Variants in PLCE1 observed in about 807,000 individuals in gnomAD.
PLCE1 encodes the protein 1-phosphatidylinositol 4,5-bisphosphate phosphodiesterase epsilon-1.
In PLCE1, 119 loss-of-function variants were observed where a neutral mutation model predicts 242.8. The ratio of observed to expected loss-of-function variants is 0.49; its 90% CI spans 0.42 to 0.57. PLCE1 has a LOEUF of 0.57. Ranked by LOEUF, PLCE1 falls within the 20% of genes least tolerant of loss-of-function variation. PLCE1 has a pLI of 0.00. For synonymous variants in PLCE1, 945 were observed against 1,017.4 expected, an observed-to-expected ratio of 0.93 and a Z score of 1.35; for missense variants, 2,441 against 2,788.8, an observed-to-expected ratio of 0.88 and a Z score of 2.81.
chr10:94,054,009 A>T (rs910712350), intron 2 of PLCE1, among the ~76,000 whole-genome samples: 3 of 152,162 alleles, frequency 2.0e-5, no homozygotes, highest in African/African-American at 7.2e-5. Context: ...GTCAGTAGAA[A>T]TTATCCAATC....
chr10:94,222,426 G>A lies in PLCE1; in HGVS notation c.1810-4880G>A, dbSNP rs537195600. Reference sequence around the variant, plus strand: ...CGAGGGCAGATCCTGACAGGTCACCGACACTGCTGCTTACCCGTGAGCATA... The same window carrying A: ...CGAGGGCAGATCCTGACAGGTCACCAACACTGCTGCTTACCCGTGAGCATA... On this transcript the variant is annotated intron_variant, in intron 4 of 32. Transcript: ENST00000371380. Among the ~76,000 whole-genome samples the A allele has an allele frequency of 5.9e-5, 9 of 152,254 alleles. No homozygotes were observed. In the South Asian group the frequency reaches 6.2e-4, roughly 11 times the overall value.
At chr10:94,269,686 G>A (rs2051654438) in intron 17 of PLCE1, among the ~76,000 whole-genome samples, 1 of 152,154 alleles carries the variant, frequency 6.6e-6, no homozygotes, top group African/African-American at 2.4e-5. Flanking sequence ...GGAATTAATG[G>A]TCATTTGTCC....
At chr10:94,152,647 G>T (rs1198228346) in intron 3 of PLCE1, among the ~76,000 whole-genome samples, 2 of 152,200 alleles carry the variant, frequency 1.3e-5, no homozygotes, top group Admixed American at 6.5e-5. Context: ...AATGCTAATT[G>T]TACGTCAGCC....
In PLCE1 at chr10:94,002,840, G is replaced by A. The variant is rs1243694751; in HGVS notation, c.-365+8582G>A. On this transcript the variant is annotated intron_variant, in intron 1 of 32. Coordinates refer to ENST00000371380, the MANE Select transcript of PLCE1 (RefSeq NM_016341.4). ...GGATCACATGATAAATACATCATACGCAATTTTGGATCCTAGATTCCTTGC... is the reference window on the plus strand; with the variant it reads ...GGATCACATGATAAATACATCATACACAATTTTGGATCCTAGATTCCTTGC... Among the ~76,000 whole-genome samples the A allele has an allele frequency of 5.3e-5, 8 of 152,130 alleles. No homozygotes were observed. In the South Asian group the frequency reaches 6.2e-4, roughly 12 times the overall value.
Position 94,308,688 on chromosome 10 carries a change from T to C in PLCE1, c.5992T>C (p.Ser1998Pro). The change falls in exon 27 of 33, where the codon TCA becomes CCA. Residue 1998 changes from serine to proline, a missense_variant. Physicochemically the swap from Ser to Pro is moderately conservative, Grantham distance 74. Coordinates refer to ENST00000371380, the MANE Select transcript of PLCE1 (RefSeq NM_016341.4). ...AGAAAATTCCTCTGGCAATACCATG[T>C]CAGCCTCTTCGGTAATGAAGTTCTG... is the stretch of plus-strand genomic sequence containing the variant. ...MEENSSGNTM[S>P]ASSMFNTEER... The C allele has an allele frequency of 6.3e-7, 1 of 1,585,386 alleles. No homozygotes were observed. Among genetic ancestry groups the C allele is most frequent in the Non-Finnish European group, 8.7e-7 (1 of 1,153,834 alleles).
At chr10:94,310,176 G>A (rs946404642) in intron 27 of PLCE1, among the ~76,000 whole-genome samples, 1 of 152,166 alleles carries the variant, frequency 6.6e-6, no homozygotes, top group Admixed American at 6.5e-5. Context: ...CAGACTCAAC[G>A]TAGTCCTAAC....
rs562283652 is a variant in PLCE1, at chr10:94,270,615, C to G, written c.4506+13C>G. 1.6e-4 allele frequency: 237 copies of G among 1,455,646 alleles called. 3 individuals carry two copies. Among genetic ancestry groups the G allele is most frequent in the South Asian group, 1.4e-3 (124 of 87,764 alleles). 90.2% of individuals were successfully genotyped at this position (1,455,646 alleles called of 1,614,324 possible). A position where few individuals can be genotyped will look rare whatever the true frequency, so the allele number is the denominator to read the frequency against. ...AGAAATTTTCAAGGTGAGCTCTCAA[C>G]AAAAAGGCAGGATGGTATGTTGGCC... On this transcript the variant is annotated intron_variant, in intron 18 of 32. Coordinates refer to ENST00000371380, the MANE Select transcript of PLCE1 (RefSeq NM_016341.4).
intron 5 of PLCE1, 96 bp from the exon 6 acceptor site, chr10:94,233,958 A>C: frequency 8.5e-7 from 1 of 1,172,946 alleles, no homozygotes; most frequent in South Asian, 1.4e-5. Flanking sequence ...AAAAAAAAAA[A>C]TGGTAAAAAG....
chr10:94,204,730 A>G (rs2049092892), intron 4 of PLCE1, among the ~76,000 whole-genome samples: 1 of 147,252 alleles, frequency 6.8e-6, no homozygotes, highest in African/African-American at 2.5e-5. Context: ...GAAGGAAGGA[A>G]GGAAAGAAGA....
At chr10:94,022,084 C>G (rs2134383479) in intron 1 of PLCE1, among the ~76,000 whole-genome samples, 1 of 151,858 alleles carries the variant, frequency 6.6e-6, no homozygotes, top group East Asian at 1.9e-4. Context: ...AAAGATTTAC[C>G]TTTGGAAAGA....
At chr10:94,253,597 C>T (rs930827114) in intron 9 of PLCE1, among the ~76,000 whole-genome samples, 5 of 152,108 alleles carry the variant, frequency 3.3e-5, no homozygotes, top group African/African-American at 1.2e-4. Context: ...TTAAGTAATC[C>T]TATTGTCTCA....
chr10:94,097,905 G>C (rs2045375009), intron 2 of PLCE1, among the ~76,000 whole-genome samples: 1 of 152,172 alleles, frequency 6.6e-6, no homozygotes, highest in Non-Finnish European at 1.5e-5. Context: ...TTGAAGGAGA[G>C]GAAAGAGACA....
chr10:94,095,979 G>A (rs949446680), intron 2 of PLCE1, among the ~76,000 whole-genome samples: 6 of 152,170 alleles, frequency 3.9e-5, no homozygotes, highest in Non-Finnish European at 7.3e-5. Context: ...CTGGAGTTGA[G>A]GGAGGCTGTC....
Position 94,211,540 on chromosome 10 carries a change from G to A in PLCE1, c.1810-15766G>A, listed in dbSNP as rs571377155. ...CATTCTACAGTCCATTGATTTATTCGTTGTTACATTATGTAGTAGAACCGC... is the reference window on the plus strand; with the variant it reads ...CATTCTACAGTCCATTGATTTATTCATTGTTACATTATGTAGTAGAACCGC... On this transcript the variant is annotated intron_variant, in intron 4 of 32. Coordinates refer to ENST00000371380, the MANE Select transcript of PLCE1 (RefSeq NM_016341.4). Among the ~76,000 whole-genome samples, 63 of 152,264 alleles carry A rather than the reference G, an allele frequency of 4.1e-4. 1 individual carries two copies. The highest frequency in any genetic ancestry group is 1.4e-3 in the Admixed American group (22 of 15,304).
intron 2 of PLCE1, among the ~76,000 whole-genome samples, chr10:94,116,880 T>G (rs2046148979): frequency 6.6e-6 from 1 of 152,148 alleles, no homozygotes; most frequent in African/African-American, 2.4e-5. Flanking sequence ...AAGGAGCAAT[T>G]TGGAGAGAGT....
intron 22 of PLCE1, among the ~76,000 whole-genome samples, chr10:94,285,742 T>A (rs551570770): frequency 1.3e-5 from 2 of 152,158 alleles, no homozygotes; most frequent in Non-Finnish European, 2.9e-5. Context: ...CTGGATCCCA[T>A]GTCACATTCT....
Position 94,306,610 on chromosome 10 carries a change from C to A in PLCE1, c.5806C>A (p.Leu1936Ile). The A allele has an allele frequency of 6.2e-7, 1 of 1,614,128 alleles. No homozygotes were observed. The change falls in exon 26 of 33, where the codon CTT becomes ATT. Residue 1936 changes from leucine (L) to isoleucine (I), a missense_variant. Physicochemically the swap from Leu to Ile is conservative, Grantham distance 5 (BLOSUM62 2). Around this residue, in one of 5 missense-constraint regions of PLCE1, gnomAD observed 1,004 missense variants for 1,322.7 expected, o/e 0.76. Transcript: ENST00000371380. The surrounding 1 kb of genome is among the most constrained non-coding windows in gnomAD (Gnocchi z 5.7). ...FHVHFEDLVF[L>I]RFAVVENNSS... ...CGTTCACTTCGAAGATCTTGTATTT[C>A]TTCGTTTTGCAGTTGTGGAAAACAA...
intron 2 of PLCE1, among the ~76,000 whole-genome samples, chr10:94,038,350 T>G (rs1429189332): frequency 6.6e-6 from 1 of 152,136 alleles, no homozygotes; most frequent in Non-Finnish European, 1.5e-5. Context: ...GTGCTGGGCT[T>G]ATTTTCTGGC....
intron 14 of PLCE1, among the ~76,000 whole-genome samples, chr10:94,263,694 AAAAAAACAAAC>A (rs2051399075): frequency 6.6e-6 from 1 of 151,958 alleles, no homozygotes; most frequent in Non-Finnish European, 1.5e-5. Flanking sequence ...ACCCTGTCTC[AAAAAAACAAAC>A]AAAAAACAAG....
Sources: gnomAD v4.1 joint callset for allele counts (sites outside exome capture counted in the v4.1 genomes callset) on GRCh38, gnomAD v4.1.1 for gene constraint, gnomAD v4.1.1 regional missense constraint, Gnocchi (gnomAD v3.1) non-coding constraint, MANE v1.5 for transcripts, NCBI Gene and HGNC (gene_info 2026-07-23, HGNC 2026-07-21) for gene names.